The following ALDH3A2 variants were observed in gnomAD, a reference collection of about 807,000 sequenced individuals.
ALDH3A2 encodes the protein aldehyde dehydrogenase family 3 member A2.
Under a neutral mutation model 51.3 loss-of-function variants are expected in ALDH3A2, and 36 were observed. The ratio of observed to expected loss-of-function variants is 0.70; its 90% CI spans 0.54 to 0.93. ALDH3A2 has a LOEUF of 0.93. Among genes scored for constraint, ALDH3A2 ranks in the 40% least tolerant of loss-of-function variants. The probability of loss-of-function intolerance (pLI) is 0.00; values close to 1 mark genes in which losing one functional copy is unlikely to be tolerated. For missense variants in ALDH3A2, 552 were observed against 603.1 expected, an observed-to-expected ratio of 0.92 and a Z score of 0.89; for synonymous variants, 199 against 219.8, an observed-to-expected ratio of 0.91 and a Z score of 0.84.
chr17:19,668,105 C>T (rs2085064068), intron 8 of ALDH3A2, among the ~76,000 whole-genome samples: 1 of 151,776 alleles, frequency 6.6e-6, no homozygotes, highest in Non-Finnish European at 1.5e-5. Context: ...TATTTATGTC[C>T]TTTGATATTT....
At chr17:19,672,457 G>GT (rs1192128166) in intron 9 of ALDH3A2, 2 of 174,366 alleles carry the variant, frequency 1.1e-5, no homozygotes, top group Admixed American at 5.4e-5. Context: ...TTAGGCTTGA[G>GT]TTTTTTTCCT....
At position 19,651,771 on chromosome 17, in the gene ALDH3A2, C is replaced by T. The variant is rs1555532936; in HGVS notation, c.378C>T (p.Ile126=). 14 of 1,613,930 alleles carry T rather than the reference C, an allele frequency of 8.7e-6. No homozygotes were observed. In the Admixed American group the frequency reaches 1.0e-4, roughly 12 times the overall value. Residue 126 remains isoleucine (I), a synonymous_variant, in exon 2 of 10, where the codon ATC becomes ATT. Coordinates refer to ENST00000176643, the MANE Select transcript of ALDH3A2 (RefSeq NM_000382.3). ...VLTIQPLIGA[I]AAGNAVIIKP... is the part of the protein sequence containing the mutation. Reference sequence around the variant, plus strand: ...CCATTCAGCCACTGATAGGAGCCATCGCTGCAGGTCTGGTGCCACCTTATG... The same window carrying T: ...CCATTCAGCCACTGATAGGAGCCATTGCTGCAGGTCTGGTGCCACCTTATG...
At position 19,654,482 on chromosome 17, in the gene ALDH3A2, G is replaced by A. The variant is rs923906772; in HGVS notation, c.471+1850G>A. On this transcript the variant is annotated intron_variant, in intron 3 of 9. Transcript: ENST00000176643. This position sits in a 1 kb window ranked among gnomAD's most constrained non-coding sequence, Gnocchi z 4.5. Reference sequence around the variant, plus strand: ...CCCTGCGGGGAGGTGGCTGAGGCCCGGCGAGAATTCGAGTGTGGCGCTGGT... The same window carrying A: ...CCCTGCGGGGAGGTGGCTGAGGCCCAGCGAGAATTCGAGTGTGGCGCTGGT... Among the ~76,000 whole-genome samples the A allele has an allele frequency of 4.6e-5, 7 of 152,190 alleles. No homozygotes were observed. Among genetic ancestry groups the A allele is most frequent in the South Asian group, 2.1e-4 (1 of 4,834 alleles).
intron 2 of ALDH3A2, 91 bp from the exon 3 acceptor site, chr17:19,652,456 G>A: frequency 5.5e-6 from 5 of 916,326 alleles, no homozygotes; most frequent in Non-Finnish European, 7.2e-6. Context: ...ATAATTGGGA[G>A]TACCTAGCCT....
At chr17:19,660,198 A>G (rs2084948589) in intron 5 of ALDH3A2, among the ~76,000 whole-genome samples, 1 of 152,142 alleles carries the variant, frequency 6.6e-6, no homozygotes, top group African/African-American at 2.4e-5. Flanking sequence ...CTCAAGCTAC[A>G]TGTTACCCTA....
chr17:19,648,946 C>T lies in ALDH3A2; in HGVS notation c.-26C>T, dbSNP rs1188275142. On this transcript the variant is annotated 5_prime_UTR_variant, in exon 1 of 10. Coordinates refer to ENST00000176643, the MANE Select transcript of ALDH3A2 (RefSeq NM_000382.3). ...CTCCCACTCCCCAGCGCCCCCGGAC[C>T]GTGCAGTTCTCTGCAGGACCAGGCC... is the stretch of plus-strand genomic sequence containing the variant. 6.4e-6 allele frequency: 10 copies of T among 1,569,832 alleles called. No homozygotes were observed. The highest frequency in any genetic ancestry group is 2.7e-5 in the African/African-American group (2 of 74,368).
At chr17:19,669,810 A>T (rs935250596) in intron 8 of ALDH3A2, among the ~76,000 whole-genome samples, 36 of 151,958 alleles carry the variant, frequency 2.4e-4, no homozygotes, top group Non-Finnish European at 3.5e-4. Flanking sequence ...AATTAAAAAA[A>T]TTTTTTTTGT....
intron 5 of ALDH3A2, among the ~76,000 whole-genome samples, chr17:19,659,247 T>G (rs1025678652): frequency 1.3e-5 from 2 of 151,338 alleles, no homozygotes; most frequent in African/African-American, 4.9e-5. Context: ...AAAAAAGATA[T>G]GAAAATTGTC....
At chr17:19,658,436 G>A (rs1470330353) in intron 5 of ALDH3A2, among the ~76,000 whole-genome samples, 2 of 152,020 alleles carry the variant, frequency 1.3e-5, no homozygotes, top group Non-Finnish European at 2.9e-5. Context: ...TGGTAGAAAG[G>A]AATGGGGGCT....
Position 19,676,321 on chromosome 17 carries a change from T to C in ALDH3A2, c.*749T>C, listed in dbSNP as rs927062111. On this transcript the variant is annotated 3_prime_UTR_variant, in exon 10 of 10. Coordinates refer to ENST00000176643, the MANE Select transcript of ALDH3A2 (RefSeq NM_000382.3). ...ATCACCTGTCATTCTTGTGTTGGAG[T>C]TATAGAATTCTACATCTTATAAAAC... 6.6e-6 allele frequency: 1 copy of C among 152,170 alleles called. No homozygotes were observed. 9.4% of individuals were successfully genotyped at this position (152,170 alleles called of 1,614,324 possible).
chr17:19,649,474 GTTTCTTTCT>G (rs891281395), intron 1 of ALDH3A2: 35 of 188,894 alleles, frequency 1.9e-4, no homozygotes, highest in African/African-American at 6.2e-4. Context: ...CTTTCTTTGG[GTTTCTTTCT>G]TTTCTTTTTT....
chr17:19,648,730 G>C (rs1434473081), upstream of ALDH3A2: 1 of 586,716 alleles, frequency 1.7e-6, no homozygotes, highest in South Asian at 2.0e-5. Flanking sequence ...GCCAATAGGG[G>C]TGAGGCTTTG....
chr17:19,650,155 G>C (rs548009372), intron 1 of ALDH3A2, among the ~76,000 whole-genome samples: 125 of 152,174 alleles, frequency 8.2e-4, no homozygotes, highest in African/African-American at 2.7e-3. Flanking sequence ...CAAGTGATCC[G>C]CCTGCCTGGG....
Position 19,676,351 on chromosome 17 carries a change from C to G in ALDH3A2, c.*779C>G, listed in dbSNP as rs2085188459. On this transcript the variant is annotated 3_prime_UTR_variant, in exon 10 of 10. Transcript: ENST00000176643. ...GAATTCTACATCTTATAAAACCTAACTGGCATTTAAAAAATACTGTGGCCG... is the reference window on the plus strand; with the variant it reads ...GAATTCTACATCTTATAAAACCTAAGTGGCATTTAAAAAATACTGTGGCCG... The G allele has an allele frequency of 6.6e-6, 1 of 152,220 alleles. No individual in the cohort carries two copies. Among genetic ancestry groups the G allele is most frequent in the South Asian group, 2.1e-4 (1 of 4,832 alleles). 9.4% of individuals were successfully genotyped at this position (152,220 alleles called of 1,614,324 possible).
rs780205830 is a variant in ALDH3A2 at position 19,673,346 on chromosome 17, G to GTTTGTT, written c.1443+1418_1443+1423dup. On this transcript the variant is annotated intron_variant, in intron 9 of 9. Transcript: ENST00000176643. ...GGGGTATGTTTTCAAGGGTTTTTTG[G>GTTTGTT]TTTGTTTTTGTTTTTGTTTTTGTTT... 79 of 1,470,102 alleles carry GTTTGTT rather than the reference G, an allele frequency of 5.4e-5. No homozygotes were observed. The African/African-American group carries it at 5.9e-4, about 11-fold the overall frequency. 91.1% of individuals were successfully genotyped at this position (1,470,102 alleles called of 1,614,324 possible). A position where few individuals can be genotyped will look rare whatever the true frequency, so the allele number is the denominator to read the frequency against.
chr17:19,658,014 T>C (rs1250828985), intron 5 of ALDH3A2, 152 bp downstream of exon 5: 1 of 695,158 alleles, frequency 1.4e-6, no homozygotes, highest in Non-Finnish European at 2.6e-6. Context: ...ATGAAAATGC[T>C]ATGTGTACCA....
rs1345325300 is a variant in ALDH3A2 at position 19,656,545 on chromosome 17, T to G, written c.651T>G (p.Asp217Glu). 1.9e-6 allele frequency: 3 copies of G among 1,613,796 alleles called. No individual in the cohort carries two copies. The highest frequency in any genetic ancestry group is 2.5e-6 in the Non-Finnish European group (3 of 1,179,852). The change falls in exon 4 of 10, where the codon GAT becomes GAG. Residue 217 changes from aspartate (D) to glutamate (E), a missense_variant. Asp to Glu is a conservative substitution (Grantham distance 45, BLOSUM62 2). Coordinates refer to ENST00000176643, the MANE Select transcript of ALDH3A2 (RefSeq NM_000382.3). Reference protein sequence around the residue: ...ELGGKSPCYIDKDCDLDIVCR... With the variant: ...ELGGKSPCYIEKDCDLDIVCR... ...GAGGGAAAAGTCCATGTTATATTGATAAAGATTGTGACCTGGACATTGTTT... is the reference window on the plus strand; with the variant it reads ...GAGGGAAAAGTCCATGTTATATTGAGAAAGATTGTGACCTGGACATTGTTT...
rs1321132415 is a variant in ALDH3A2 at position 19,665,393 on chromosome 17, G to GTGTT, written c.1207+349_1207+350insTTGT. Reference sequence around the variant, plus strand: ...TCTCTCTTCGTGTGTGTGTGTGTGTGTGTGTGTGTGTGTGTGGTGTGTGTG... The same window carrying GTGTT: ...TCTCTCTTCGTGTGTGTGTGTGTGTGTGTTTGTGTGTGTGTGTGTGGTGTGTGTG... On this transcript the variant is annotated intron_variant, in intron 8 of 9. Coordinates refer to ENST00000176643, the MANE Select transcript of ALDH3A2 (RefSeq NM_000382.3). 1.4e-3 allele frequency among the ~76,000 whole-genome samples: 208 copies of GTGTT among 151,894 alleles called. 1 individual carries two copies. The highest frequency in any genetic ancestry group is 4.8e-3 in the African/African-American group (197 of 41,362).
At chr17:19,665,725 TA>T (rs1324525570) in intron 8 of ALDH3A2, among the ~76,000 whole-genome samples, 1 of 152,192 alleles carries the variant, frequency 6.6e-6, no homozygotes, top group East Asian at 1.9e-4. Flanking sequence ...CTCAGCTTTT[TA>T]TTTCTCCTTT....
Sources: allele counts gnomAD v4.1 joint callset (sites outside exome capture counted in the v4.1 genomes callset), GRCh38; gene constraint gnomAD v4.1.1; non-coding constraint Gnocchi (gnomAD v3.1); transcripts MANE v1.5; gene names NCBI Gene and HGNC (gene_info 2026-07-23, HGNC 2026-07-21).